CCDC83: variants seen among roughly 807,000 people sequenced by gnomAD.
CCDC83 encodes coiled-coil domain containing 83.
Under a neutral mutation model 50.1 loss-of-function variants are expected in CCDC83, and 54 were observed. The observed-to-expected ratio is 1.08, with a 90% confidence interval of 0.87 to 1.35. The LOEUF is 1.35. Ranked by LOEUF, CCDC83 falls within the 40% of genes most tolerant of loss-of-function variation. The probability of loss-of-function intolerance (pLI) is 0.00; values close to 1 mark genes in which losing one functional copy is unlikely to be tolerated. For missense variants in CCDC83, 518 were observed against 473.9 expected (o/e 1.09, Z -0.86); for synonymous variants, 161 against 153.3 (o/e 1.05, Z -0.37).
Position 85,895,385 on chromosome 11 carries a change from G to A in CCDC83, c.603+1G>A. On this transcript the variant is annotated splice_donor_variant, in intron 6 of 10. Transcript: ENST00000342404. LOFTEE classifies it high-confidence loss of function. Reference sequence around the variant, plus strand: ...CCAAAAGAAGGAATGGGCCACACAGGTATAATTCAATTTTCTTAAAAACAG... The same window carrying A: ...CCAAAAGAAGGAATGGGCCACACAGATATAATTCAATTTTCTTAAAAACAG... 2 of 1,526,296 alleles carry A rather than the reference G, an allele frequency of 1.3e-6. No individual in the cohort carries two copies. The highest frequency in any genetic ancestry group is 1.8e-6 in the Non-Finnish European group (2 of 1,121,704). The allele number at this position is 1,526,296 out of a possible 1,614,324, so 94.5% of individuals were successfully genotyped here.
At chr11:85,861,998 TAAAAAA>T (rs34372795) in intron 1 of CCDC83, among the ~76,000 whole-genome samples, 17,192 of 94,686 alleles carry the variant, frequency 0.18, 1,381 homozygotes, top group Middle Eastern at 0.23. Flanking sequence ...CCTGTCTCAT[TAAAAAA>T]AAAAAAAAAA....
chr11:85,871,748 A>G (rs2093238867), intron 2 of CCDC83, among the ~76,000 whole-genome samples: 1 of 152,202 alleles, frequency 6.6e-6, no homozygotes, highest in Non-Finnish European at 1.5e-5. Flanking sequence ...TAAGGGCAAG[A>G]CTTAAAACCA....
chr11:85,868,465 C>T (rs1566070550), intron 2 of CCDC83, among the ~76,000 whole-genome samples: 2 of 152,196 alleles, frequency 1.3e-5, no homozygotes, highest in Non-Finnish European at 2.9e-5. Flanking sequence ...ACCCCCGCCT[C>T]CTGGATTCAA....
At chr11:85,888,187 G>A (rs989285460) in intron 5 of CCDC83, among the ~76,000 whole-genome samples, 1 of 152,188 alleles carries the variant, frequency 6.6e-6, no homozygotes, top group Non-Finnish European at 1.5e-5. Flanking sequence ...AGAAATGGTT[G>A]TGTGAAACAG....
intron 8 of CCDC83, among the ~76,000 whole-genome samples, chr11:85,912,281 T>C (rs1021137458): frequency 6.6e-6 from 1 of 152,158 alleles, no homozygotes; most frequent in Non-Finnish European, 1.5e-5. Flanking sequence ...ATTTGAGACA[T>C]GATCATGTAT....
intron 1 of CCDC83, 27 bp from the exon 2 acceptor site, chr11:85,865,069 A>C (rs900009029): frequency 6.9e-5 from 75 of 1,080,794 alleles, no homozygotes; most frequent in Middle Eastern, 4.1e-4. Context: ...GGAATTTTTC[A>C]CTTTCGTATG....
intron 2 of CCDC83, among the ~76,000 whole-genome samples, chr11:85,871,667 A>G (rs2093238279): frequency 6.6e-6 from 1 of 152,186 alleles, no homozygotes; most frequent in Non-Finnish European, 1.5e-5. Context: ...AGGTATTTTT[A>G]TCCCATTTGA....
intron 7 of CCDC83, among the ~76,000 whole-genome samples, chr11:85,907,815 C>G (rs1225816275): frequency 1.3e-5 from 2 of 152,188 alleles, no homozygotes; most frequent in Non-Finnish European, 1.5e-5. Flanking sequence ...GTGGATGCAA[C>G]ATCTCAAAAG....
intron 10 of CCDC83, among the ~76,000 whole-genome samples, chr11:85,919,086 G>C (rs2093496471): frequency 6.6e-6 from 1 of 152,166 alleles, no homozygotes; most frequent in Non-Finnish European, 1.5e-5. Flanking sequence ...CCCACTATGA[G>C]ACAAGCCTTC....
chr11:85,870,610 C>T (rs2093231549), intron 2 of CCDC83, among the ~76,000 whole-genome samples: 1 of 152,118 alleles, frequency 6.6e-6, no homozygotes, highest in Non-Finnish European at 1.5e-5. Flanking sequence ...ACTTGGGAGG[C>T]TGAGGCTGGA....
chr11:85,915,158 C>G (rs12802064), intron 8 of CCDC83, among the ~76,000 whole-genome samples: 17,264 of 152,170 alleles, frequency 0.11, 1,060 homozygotes, highest in Admixed American at 0.15. Context: ...TTTCCTTCCC[C>G]CTAAAGCTGA....
chr11:85,903,534 C>T (rs1012835024), intron 7 of CCDC83, among the ~76,000 whole-genome samples: 1 of 151,918 alleles, frequency 6.6e-6, no homozygotes, highest in Admixed American at 6.6e-5. Flanking sequence ...AATTCCTGAC[C>T]TCAAGTGATC....
chr11:85,879,551 C>G (rs896451908), intron 3 of CCDC83, among the ~76,000 whole-genome samples: 2 of 152,098 alleles, frequency 1.3e-5, no homozygotes, highest in Non-Finnish European at 2.9e-5. Flanking sequence ...CAATGAGGTA[C>G]CACTTTCTCC....
rs769765666 is a variant in CCDC83 at position 85,919,540 on chromosome 11, T to C, written c.*30T>C. 2 of 1,553,942 alleles carry C rather than the reference T, an allele frequency of 1.3e-6. No individual in the cohort carries two copies. The highest frequency in any genetic ancestry group is 2.3e-5 in the East Asian group (1 of 44,028). On this transcript the variant is annotated 3_prime_UTR_variant, in exon 11 of 11. Coordinates refer to ENST00000342404, the MANE Select transcript of CCDC83 (RefSeq NM_001286159.2). Reference sequence around the variant, plus strand: ...GAAAGCTGCAAAGGAAACACAACTTTTCCTTATAAATGTTCTTTGGGAACT... The same window carrying C: ...GAAAGCTGCAAAGGAAACACAACTTCTCCTTATAAATGTTCTTTGGGAACT...
intron 6 of CCDC83, among the ~76,000 whole-genome samples, chr11:85,898,239 T>C (rs751500332): frequency 6.6e-6 from 1 of 152,206 alleles, no homozygotes; most frequent in East Asian, 1.9e-4. Flanking sequence ...TGATCTAGAT[T>C]ATTTTTCTTA....
chr11:85,889,701 T>A (rs1223951755), intron 5 of CCDC83, among the ~76,000 whole-genome samples: 1 of 152,196 alleles, frequency 6.6e-6, no homozygotes, highest in Non-Finnish European at 1.5e-5. Flanking sequence ...ACAGGCTGCC[T>A]TCTTTCATGA....
At chr11:85,916,895 G>C (rs1349483308) in intron 10 of CCDC83, among the ~76,000 whole-genome samples, 4 of 151,956 alleles carry the variant, frequency 2.6e-5, no homozygotes, top group Non-Finnish European at 4.4e-5. Flanking sequence ...CGGATCACCT[G>C]AGATCGGAAA....
chr11:85,912,815 G>A, intron 8 of CCDC83: 1 of 899,116 alleles, frequency 1.1e-6, no homozygotes, highest in Non-Finnish European at 1.9e-6. Context: ...TAATCTTTAG[G>A]AAAGAGATAC....
In CCDC83 at chr11:85,873,251, C is replaced by G. The variant is rs750102971; in HGVS notation, c.136C>G (p.Gln46Glu). Residue 46 changes from glutamine to glutamate, a missense_variant, in exon 3 of 11, where the codon CAA becomes GAA. Physicochemically the swap from Gln to Glu is conservative, Grantham distance 29. Transcript: ENST00000342404. ...KEDAVEQFMFQIKTLRKKNQK... is the reference protein window; with the variant it reads ...KEDAVEQFMFEIKTLRKKNQK... Reference sequence around the variant, plus strand: ...AGATGCCGTGGAGCAATTCATGTTTCAAATAAAGACACTTAGGAAAAAGAA... The same window carrying G: ...AGATGCCGTGGAGCAATTCATGTTTGAAATAAAGACACTTAGGAAAAAGAA... The G allele has an allele frequency of 4.5e-6, 7 of 1,559,518 alleles. No homozygotes were observed. Among genetic ancestry groups the G allele is most frequent in the Non-Finnish European group, 5.2e-6 (6 of 1,149,654 alleles).
Sources: allele counts gnomAD v4.1 joint callset (sites outside exome capture counted in the v4.1 genomes callset), GRCh38; gene constraint gnomAD v4.1.1; transcripts MANE v1.5; gene names NCBI Gene and HGNC (gene_info 2026-07-23, HGNC 2026-07-21).